Variants in PTPRD observed in about 807,000 individuals in gnomAD.
PTPRD encodes receptor-type tyrosine-protein phosphatase delta.
A neutral mutation model predicts 214.5 loss-of-function variants in PTPRD; 34 were observed. The ratio of observed to expected loss-of-function variants is 0.16; its 90% CI spans 0.12 to 0.21. The LOEUF is 0.21. PTPRD is among the 10% of genes least tolerant of loss of function. The probability of loss-of-function intolerance (pLI) is 1.00; values close to 1 mark genes in which losing one functional copy is unlikely to be tolerated. For synonymous variants in PTPRD, 1,128 were observed against 845.7 expected, an observed-to-expected ratio of 1.33 and a Z score of -5.79; for missense variants, 2,545 against 2,398.7, an observed-to-expected ratio of 1.06 and a Z score of -1.27.
At chr9:9,533,907 C>A (rs566035870) in intron 8 of PTPRD, among the ~76,000 whole-genome samples, 1 of 152,004 alleles carries the variant, frequency 6.6e-6, no homozygotes, top group East Asian at 1.9e-4. Context: ...TATTTATCTC[C>A]TTTTTACTGT....
chr9:9,048,075 A>T (rs1180129558), intron 10 of PTPRD, among the ~76,000 whole-genome samples: 1 of 152,198 alleles, frequency 6.6e-6, no homozygotes, highest in Non-Finnish European at 1.5e-5. Flanking sequence ...ATCATCAGAG[A>T]AATGCAAATT....
intron 3 of PTPRD, among the ~76,000 whole-genome samples, chr9:10,128,878 A>G (rs944685581): frequency 6.6e-6 from 1 of 152,164 alleles, no homozygotes; most frequent in Admixed American, 6.6e-5. Flanking sequence ...ATTAAAAATA[A>G]AAGCCAGACT....
intron 3 of PTPRD, among the ~76,000 whole-genome samples, chr9:10,196,117 A>T (rs2099397022): frequency 6.6e-6 from 1 of 152,188 alleles, no homozygotes; most frequent in Non-Finnish European, 1.5e-5. Flanking sequence ...GAGACTATAT[A>T]CACTTATCAA....
rs534933298 is a variant in PTPRD at position 8,820,402 on chromosome 9, G to C, written c.-103-86456C>G. 2.1e-3 allele frequency among the ~76,000 whole-genome samples: 322 copies of C among 152,068 alleles called. 1 individual carries two copies. Among genetic ancestry groups the C allele is most frequent in the Non-Finnish European group, 3.9e-3 (264 of 67,992 alleles). ...TCTGCTCTCATAACAGCTTTTTATT[G>C]AAGAGAGTATATTTAAATATACAGA... On this transcript the variant is annotated intron_variant, in intron 11 of 45. Coordinates refer to ENST00000381196, the MANE Select transcript of PTPRD (RefSeq NM_002839.4).
intron 10 of PTPRD, among the ~76,000 whole-genome samples, chr9:9,078,166 T>C (rs2099753889): frequency 6.6e-6 from 1 of 152,070 alleles, no homozygotes; most frequent in Admixed American, 6.6e-5. Context: ...AATGAATAAA[T>C]GTTTAATTAA....
At chr9:8,841,878 G>A (rs893943424) in intron 11 of PTPRD, among the ~76,000 whole-genome samples, 1 of 151,928 alleles carries the variant, frequency 6.6e-6, no homozygotes, top group African/African-American at 2.4e-5. Context: ...AGGTGTGGTG[G>A]CGGACACCGG....
intron 3 of PTPRD, among the ~76,000 whole-genome samples, chr9:10,286,903 T>C (rs2095374038): frequency 6.6e-6 from 1 of 152,192 alleles, no homozygotes; most frequent in Non-Finnish European, 1.5e-5. Context: ...ACAGCCTACA[T>C]GTTTGTTGTT....
At chr9:9,351,998 A>C (rs1038334971) in intron 9 of PTPRD, among the ~76,000 whole-genome samples, 1 of 151,944 alleles carries the variant, frequency 6.6e-6, no homozygotes, top group Non-Finnish European at 1.5e-5. Flanking sequence ...TATGCAAATA[A>C]AAGAATACTA....
At chr9:8,889,202 T>C (rs1022524686) in intron 11 of PTPRD, among the ~76,000 whole-genome samples, 4 of 152,036 alleles carry the variant, frequency 2.6e-5, no homozygotes, top group Non-Finnish European at 5.9e-5. Context: ...CTGGATGATT[T>C]TGAAGATGAT....
chr9:10,057,526 G>C (rs912696770), intron 3 of PTPRD, among the ~76,000 whole-genome samples: 4 of 152,038 alleles, frequency 2.6e-5, no homozygotes, highest in Non-Finnish European at 4.4e-5. Context: ...AACATTTGGA[G>C]TATTCTTCGT....
intron 35 of PTPRD, among the ~76,000 whole-genome samples, chr9:8,418,830 G>C (rs1356514285): frequency 6.6e-6 from 1 of 151,968 alleles, no homozygotes; most frequent in Non-Finnish European, 1.5e-5. Flanking sequence ...CATTCAAGTT[G>C]TACAACTTGA....
chr9:9,552,504 A>G (rs2080540439), intron 8 of PTPRD, among the ~76,000 whole-genome samples: 1 of 152,094 alleles, frequency 6.6e-6, no homozygotes, highest in African/African-American at 2.4e-5. Flanking sequence ...AACTTACTTC[A>G]GCTTATGAAA....
intron 11 of PTPRD, among the ~76,000 whole-genome samples, chr9:8,955,920 T>G (rs1013953033): frequency 2.0e-5 from 3 of 151,886 alleles, no homozygotes; most frequent in Non-Finnish European, 4.4e-5. Flanking sequence ...ACACCTTATT[T>G]TACATTAAAT....
At chr9:9,164,279 A>G (rs1018939477) in intron 10 of PTPRD, among the ~76,000 whole-genome samples, 11 of 152,132 alleles carry the variant, frequency 7.2e-5, no homozygotes, top group African/African-American at 1.4e-4. Flanking sequence ...CCCTTCCTCT[A>G]TCTTCAAAGT....
At chr9:10,432,430 G>T (rs2098688995) in intron 2 of PTPRD, among the ~76,000 whole-genome samples, 1 of 151,000 alleles carries the variant, frequency 6.6e-6, no homozygotes, top group Non-Finnish European at 1.5e-5. Context: ...AAAACTTAAA[G>T]TATAATAAAA....
chr9:9,203,280 C>T (rs559578609), intron 9 of PTPRD, among the ~76,000 whole-genome samples: 1 of 151,996 alleles, frequency 6.6e-6, no homozygotes, highest in African/African-American at 2.4e-5. Context: ...TATACTTTTC[C>T]CCCTTTTATC....
At chr9:9,174,394 A>T (rs77019512) in intron 10 of PTPRD, among the ~76,000 whole-genome samples, 1 of 152,174 alleles carries the variant, frequency 6.6e-6, no homozygotes, top group Non-Finnish European at 1.5e-5. Context: ...TTTATTTACT[A>T]TGCTTACATA....
intron 2 of PTPRD, among the ~76,000 whole-genome samples, chr9:10,424,196 T>C (rs1024302786): frequency 6.6e-6 from 1 of 151,936 alleles, no homozygotes; most frequent in African/African-American, 2.4e-5. Context: ...GAAAATGGTA[T>C]GTGTGATACT....
At chr9:10,540,856 G>C (rs1424801328) in intron 2 of PTPRD, among the ~76,000 whole-genome samples, 1 of 152,076 alleles carries the variant, frequency 6.6e-6, no homozygotes, top group African/African-American at 2.4e-5. Flanking sequence ...CTGCAGTTTG[G>C]CACAATTTAG....
Sources: gnomAD v4.1 joint callset for allele counts (sites outside exome capture counted in the v4.1 genomes callset) on GRCh38, gnomAD v4.1.1 for gene constraint, MANE v1.5 for transcripts, NCBI Gene and HGNC (gene_info 2026-07-23, HGNC 2026-07-21) for gene names.